The following SH3PXD2A variants were observed in gnomAD, a reference collection of about 807,000 sequenced individuals.
SH3PXD2A encodes SH3 and PX domains 2A.
Under a neutral mutation model 115.2 loss-of-function variants are expected in SH3PXD2A, and 32 were observed. The observed-to-expected ratio is 0.28, with a 90% confidence interval of 0.21 to 0.37. The LOEUF is 0.37. Ranked by LOEUF, SH3PXD2A falls within the 10% of genes least tolerant of loss-of-function variation. The probability of loss-of-function intolerance (pLI) is 1.00; values close to 1 mark genes in which losing one functional copy is unlikely to be tolerated. For synonymous variants in SH3PXD2A, 610 were observed against 629.1 expected, an observed-to-expected ratio of 0.97 and a Z score of 0.45; for missense variants, 1,328 against 1,498.7, an observed-to-expected ratio of 0.89 and a Z score of 1.88.
chr10:103,693,861 G>C (rs1429185958), intron 5 of SH3PXD2A, among the ~76,000 whole-genome samples: 1 of 152,170 alleles, frequency 6.6e-6, no homozygotes, highest in Non-Finnish European at 1.5e-5. Flanking sequence ...TGAGGAAGTG[G>C]GTTCAAATGC....
chr10:103,602,494 C>T lies in SH3PXD2A; in HGVS notation c.2724G>A (p.Glu908=). The change falls in exon 15 of 15, where the codon GAG becomes GAA. Residue 908 remains glutamate, a synonymous_variant. Coordinates refer to ENST00000369774, the MANE Select transcript of SH3PXD2A (RefSeq NM_001394015.1). ...TGCCCTTGGCGGGCACTGTGTCCAGCTCTTTGCCAGAGGGGTCAGGTTGCT... is the reference window on the plus strand; with the variant it reads ...TGCCCTTGGCGGGCACTGTGTCCAGTTCTTTGCCAGAGGGGTCAGGTTGCT... The part of the protein sequence containing the change: ...ENEQPDPSGK[E]LDTVPAKGRQ... 1.9e-6 allele frequency: 3 copies of T among 1,614,172 alleles called. No homozygotes were observed. The highest frequency in any genetic ancestry group is 2.5e-6 in the Non-Finnish European group (3 of 1,180,026).
At chr10:103,787,791 A>C (rs111722455) in intron 2 of SH3PXD2A, among the ~76,000 whole-genome samples, 89 of 152,302 alleles carry the variant, frequency 5.8e-4, no homozygotes, top group Middle Eastern at 6.8e-3. Context: ...AACAAACAAA[A>C]AAAATCTTTT....
intron 8 of SH3PXD2A, among the ~76,000 whole-genome samples, chr10:103,638,754 C>T (rs574819589): frequency 9.8e-5 from 15 of 152,312 alleles, no homozygotes; most frequent in Non-Finnish European, 1.9e-4. Flanking sequence ...TGCCTTCAGA[C>T]GAGCACAAGT....
intron 4 of SH3PXD2A, among the ~76,000 whole-genome samples, chr10:103,729,578 C>A (rs1163025135): frequency 1.3e-5 from 2 of 152,216 alleles, no homozygotes; most frequent in African/African-American, 2.4e-5. Context: ...TGGGAGGAAG[C>A]ATTGCCCTGC....
At chr10:103,723,284 G>C (rs2038204265) in intron 5 of SH3PXD2A, among the ~76,000 whole-genome samples, 2 of 152,158 alleles carry the variant, frequency 1.3e-5, no homozygotes, top group African/African-American at 4.8e-5. Flanking sequence ...GCTATGGAGT[G>C]AGCTGATTCA....
chr10:103,779,051 G>A (rs924894647), intron 2 of SH3PXD2A, among the ~76,000 whole-genome samples: 8 of 152,288 alleles, frequency 5.3e-5, no homozygotes, highest in Middle Eastern at 3.4e-3. Context: ...CAGAACCTGA[G>A]GCATGGCTTC....
At chr10:103,764,876 T>A (rs2038737389) in intron 3 of SH3PXD2A, among the ~76,000 whole-genome samples, 1 of 152,152 alleles carries the variant, frequency 6.6e-6, no homozygotes, top group Non-Finnish European at 1.5e-5. Flanking sequence ...AGTTTCCTAG[T>A]CAGTAAAATG....
Position 103,603,368 on chromosome 10 carries a change from T to A in SH3PXD2A, c.1850A>T (p.Glu617Val). Residue 617 changes from glutamate to valine, a missense_variant, in exon 15 of 15, where the codon GAG (glutamate) becomes GTG (valine). Physicochemically the swap from Glu to Val is moderately radical, Grantham distance 121. Around this residue, in one of 5 missense-constraint regions of SH3PXD2A, gnomAD observed 509 missense variants for 628.3 expected, o/e 0.81. Transcript: ENST00000369774. ...ESSEDVALEEETIYENEGFRP... is the reference protein window; with the variant it reads ...ESSEDVALEEVTIYENEGFRP... Reference sequence around the variant, plus strand: ...GAAGCCCTCATTCTCATAGATGGTCTCCTCTTCCAGGGCCACATCCTCTGA... The same window carrying A: ...GAAGCCCTCATTCTCATAGATGGTCACCTCTTCCAGGGCCACATCCTCTGA... 2 of 1,614,024 alleles carry A rather than the reference T, an allele frequency of 1.2e-6. No homozygotes were observed. The highest frequency in any genetic ancestry group is 1.7e-6 in the Non-Finnish European group (2 of 1,180,000).
intron 5 of SH3PXD2A, among the ~76,000 whole-genome samples, chr10:103,720,024 T>G (rs1392092935): frequency 6.6e-6 from 1 of 152,186 alleles, no homozygotes; most frequent in Non-Finnish European, 1.5e-5. Context: ...CCGGCCACAC[T>G]AGGTAATTTC....
At chr10:103,605,029 T>A (rs2133912651) in intron 14 of SH3PXD2A, among the ~76,000 whole-genome samples, 1 of 152,292 alleles carries the variant, frequency 6.6e-6, no homozygotes, top group African/African-American at 2.4e-5. Context: ...GAGAATTGAC[T>A]AAGTTACAGC....
intron 5 of SH3PXD2A, among the ~76,000 whole-genome samples, chr10:103,713,468 C>T (rs2038069520): frequency 6.6e-6 from 1 of 152,184 alleles, no homozygotes; most frequent in Admixed American, 6.5e-5. Context: ...CTCTTCTTGG[C>T]CTAGCCCTAG....
intron 2 of SH3PXD2A, among the ~76,000 whole-genome samples, chr10:103,783,421 G>A (rs1564888112): frequency 6.8e-6 from 1 of 147,916 alleles, no homozygotes; most frequent in Non-Finnish European, 1.5e-5. Flanking sequence ...AGTCGATGCA[G>A]AGGAAGAGGG....
chr10:103,761,990 A>T (rs2038704182), intron 3 of SH3PXD2A, among the ~76,000 whole-genome samples: 1 of 148,464 alleles, frequency 6.7e-6, no homozygotes, highest in African/African-American at 2.5e-5. Context: ...AAGGCTAGGC[A>T]CACACTAGGA....
At chr10:103,637,750 G>T (rs1311079405) in intron 8 of SH3PXD2A, among the ~76,000 whole-genome samples, 2 of 152,178 alleles carry the variant, frequency 1.3e-5, no homozygotes, top group Non-Finnish European at 2.9e-5. Context: ...GAGACACTGA[G>T]AGGAAGAAAG....
At chr10:103,820,149 G>A (rs559572716) in intron 1 of SH3PXD2A, among the ~76,000 whole-genome samples, 2 of 152,312 alleles carry the variant, frequency 1.3e-5, no homozygotes, top group Admixed American at 1.3e-4. Flanking sequence ...TTCGCTCCCA[G>A]GCACCGGATC....
chr10:103,847,496 T>A (rs927472513), intron 1 of SH3PXD2A, among the ~76,000 whole-genome samples: 2 of 152,164 alleles, frequency 1.3e-5, no homozygotes, highest in African/African-American at 2.4e-5. Flanking sequence ...GCTTATTTTT[T>A]AATTTTTTTG....
chr10:103,701,426 A>G (rs1248170167), intron 5 of SH3PXD2A, among the ~76,000 whole-genome samples: 5 of 145,226 alleles, frequency 3.4e-5, no homozygotes, highest in South Asian at 2.2e-4. Context: ...TCCATCCACC[A>G]TCCATCCACC....
At position 103,682,247 on chromosome 10, in the gene SH3PXD2A, A is replaced by G. The variant is rs552836920; in HGVS notation, c.427+10781T>C. 8.5e-5 allele frequency among the ~76,000 whole-genome samples: 13 copies of G among 152,282 alleles called. No homozygotes were observed. In the South Asian group the frequency reaches 1.7e-3, roughly 19 times the overall value. On this transcript the variant is annotated intron_variant, in intron 6 of 14. Transcript: ENST00000369774. ...CGCCTTGCTCTGTGTGTCCAGGCCA[A>G]TTGGGCAGTGGGGCTCAGCCACCTC... is the stretch of plus-strand genomic sequence containing the variant.
intron 3 of SH3PXD2A, among the ~76,000 whole-genome samples, chr10:103,738,127 A>G (rs780161353): frequency 2.0e-5 from 3 of 152,214 alleles, no homozygotes; most frequent in African/African-American, 4.8e-5. Context: ...GGGCCGGGCC[A>G]TCTCCCTGTC....
Sources: gnomAD v4.1 joint callset for allele counts (sites outside exome capture counted in the v4.1 genomes callset) on GRCh38, gnomAD v4.1.1 for gene constraint, gnomAD v4.1.1 regional missense constraint, MANE v1.5 for transcripts, NCBI Gene and HGNC (gene_info 2026-07-23, HGNC 2026-07-21) for gene names.